The following INSRR variants were observed in gnomAD, a reference collection of about 807,000 sequenced individuals.
The protein encoded by INSRR is insulin receptor-related protein.
INSRR carries 114 observed loss-of-function variants against 130.0 expected under a neutral mutation model. The ratio of observed to expected loss-of-function variants is 0.88; its 90% CI spans 0.75 to 1.02. The LOEUF (loss-of-function observed/expected upper bound fraction) is 1.02, where lower values mean the gene tolerates loss of function less well. INSRR is among the 50% of genes least tolerant of loss of function. The pLI is 0.00. For synonymous variants in INSRR, 674 were observed against 705.2 expected, an observed-to-expected ratio of 0.96 and a Z score of 0.70; for missense variants, 1,657 against 1,735.2, an observed-to-expected ratio of 0.95 and a Z score of 0.80.
intron 7 of INSRR, among the ~76,000 whole-genome samples, chr1:156,847,111 C>T (rs1452224684): frequency 4.6e-5 from 7 of 152,232 alleles, no homozygotes; most frequent in African/African-American, 1.7e-4. Context: ...CCTAATTCCC[C>T]TAAGTCTAAT....
Position 156,854,520 on chromosome 1 carries a change from T to C in INSRR, c.86-217A>G, listed in dbSNP as rs1048193063. On this transcript the variant is annotated intron_variant, in intron 1 of 21. Transcript: ENST00000368195. The surrounding 1 kb of genome is among the most constrained non-coding windows in gnomAD (Gnocchi z 4.2). ...ATGAGCCACACAGGCAAAAATGAAC[T>C]CCTGATCCTCTCTCCCAAGCCCATC... Among the ~76,000 whole-genome samples, 16 of 152,118 alleles carry C rather than the reference T, an allele frequency of 1.1e-4. No homozygotes were observed. The highest frequency in any genetic ancestry group is 9.8e-4 in the Admixed American group (15 of 15,280).
intron 4 of INSRR, 24 bp downstream of exon 4, chr1:156,851,622 T>C (rs922872201): frequency 1.2e-6 from 2 of 1,613,702 alleles, no homozygotes; most frequent in Non-Finnish European, 1.7e-6. Flanking sequence ...GGAGGAGGGG[T>C]GTGGCCCCAA....
intron 1 of INSRR, 95 bp downstream of exon 1, chr1:156,858,442 G>A (rs1655487017): frequency 1.1e-6 from 1 of 882,484 alleles, no homozygotes; most frequent in South Asian, 1.3e-5. Flanking sequence ...CCAGTGCAGA[G>A]TAAGTGGAGG....
Position 156,854,167 on chromosome 1 carries a change from AG to A in INSRR, c.221del (p.Pro74LeufsTer28). On this transcript the variant is annotated frameshift_variant, in exon 2 of 22. Transcript: ENST00000368195. LOFTEE classifies it high-confidence loss of function. The surrounding 1 kb of genome is among the most constrained non-coding windows in gnomAD (Gnocchi z 4.2). ...GGTAGTCGGTGACCTGGGTGAGGCG[AG>A]GGAAGCTGAGGCCGCGGAAGTCCTC... ...TGEDFRGLSF[P>X]RLTQVTDYLL... 6.2e-7 allele frequency: 1 copy of A among 1,614,116 alleles called. No homozygotes were observed. Among genetic ancestry groups the A allele is most frequent in the Non-Finnish European group, 8.5e-7 (1 of 1,180,028 alleles).
At chr1:156,853,712 C>T (rs757244276) in intron 2 of INSRR, 40 bp downstream of exon 2, 1 of 1,557,506 alleles carries the variant, frequency 6.4e-7, no homozygotes. Context: ...TGACCCTGCT[C>T]TCTCCCTTCC....
rs1654717417 is a variant in INSRR, at chr1:156,840,116, AG to A, written c.*756del. The A allele has an allele frequency of 2.0e-4, 1 of 5,088 alleles. No homozygotes were observed. The highest frequency in any genetic ancestry group is 5.3e-3 in the South Asian group (1 of 190). The allele number at this position is 5,088 out of a possible 1,614,324, so 0.3% of individuals were successfully genotyped here. ...CTTCTCCAGTCTTCCCATGAGAGGC[AG>A]GGGTGGGGGCGGGGCTGGGTGAGGG... On this transcript the variant is annotated 3_prime_UTR_variant, in exon 22 of 22. Coordinates refer to ENST00000368195, the MANE Select transcript of INSRR (RefSeq NM_014215.3).
intron 10 of INSRR, 85 bp downstream of exon 10, chr1:156,845,533 AC>A: frequency 1.4e-6 from 1 of 728,018 alleles, no homozygotes. Flanking sequence ...GCAAGGCCCC[AC>A]CCACAAACCC....
chr1:156,846,640 G>C lies in INSRR; in HGVS notation c.1689C>G (p.Ala563=), dbSNP rs568446154. Residue 563 remains alanine (A), a synonymous_variant, in exon 8 of 22, where the codon GCC becomes GCG. Coordinates refer to ENST00000368195, the MANE Select transcript of INSRR (RefSeq NM_014215.3). ...SRTQEPGVTL[A]SLKPWTQYAV... ...CGTACTGTGTCCAAGGCTTGAGGGA[G>C]GCTAGGGTCACCCCTGGCTCCTGGG... The C allele has an allele frequency of 6.2e-7, 1 of 1,614,174 alleles. No individual in the cohort carries two copies. Among genetic ancestry groups the C allele is most frequent in the African/African-American group, 1.3e-5 (1 of 75,056 alleles).
At chr1:156,850,663 TC>T (rs1473453721) in intron 5 of INSRR, among the ~76,000 whole-genome samples, 3 of 145,066 alleles carry the variant, frequency 2.1e-5, no homozygotes, top group Non-Finnish European at 4.5e-5. Context: ...CAAACAATTC[TC>T]CTGCCTCAGC....
intron 15 of INSRR, 101 bp from the exon 16 acceptor site, chr1:156,843,580 C>T: frequency 1.6e-6 from 2 of 1,213,048 alleles, no homozygotes; most frequent in Non-Finnish European, 2.5e-6. Context: ...AGGGAAGTTA[C>T]TGACCACACC....
chr1:156,854,051 T>C lies in INSRR; in HGVS notation c.338A>G (p.Tyr113Cys). The change falls in exon 2 of 22, where the codon TAT becomes TGT. Residue 113 changes from tyrosine to cysteine, a missense_variant. Coordinates refer to ENST00000368195, the MANE Select transcript of INSRR (RefSeq NM_014215.3). The surrounding 1 kb of genome is among the most constrained non-coding windows in gnomAD (Gnocchi z 4.2). ...VIRGTRLFLG[Y>C]ALVIFEMPHL... ...TGGCATCTCAAAGATGACCAGTGCA[T>C]AGCCCAGGAAGAGGCGCGTCCCGCG... 6.2e-7 allele frequency: 1 copy of C among 1,614,100 alleles called. No homozygotes were observed.
In INSRR at chr1:156,851,730, T is replaced by G. The variant is rs1253543475; in HGVS notation, c.1000A>C (p.Thr334Pro). The G allele has an allele frequency of 6.2e-7, 1 of 1,614,020 alleles. No individual in the cohort carries two copies. The highest frequency in any genetic ancestry group is 8.5e-7 in the Non-Finnish European group (1 of 1,180,022). The change falls in exon 4 of 22, where the codon ACC becomes CCC. Residue 334 changes from threonine to proline, a missense_variant. By Grantham distance (38) the Thr-to-Pro change is conservative. Coordinates refer to ENST00000368195, the MANE Select transcript of INSRR (RefSeq NM_014215.3). ...TGTGCCGCCTGGATGGAGTCGATGG[T>G]CTTGGTGCCTACCTTGCACTCTTTA... Reference protein sequence around the residue: ...CPKECKVGTKTIDSIQAAQDL... With the variant: ...CPKECKVGTKPIDSIQAAQDL...
chr1:156,840,821 C>G lies in INSRR; in HGVS notation c.*52G>C. The G allele has an allele frequency of 7.2e-7, 1 of 1,389,398 alleles. No individual in the cohort carries two copies. Among genetic ancestry groups the G allele is most frequent in the East Asian group, 2.3e-5 (1 of 42,634 alleles). The allele number at this position is 1,389,398 out of a possible 1,614,324, so 86.1% of individuals were successfully genotyped here. On this transcript the variant is annotated 3_prime_UTR_variant, in exon 22 of 22. Coordinates refer to ENST00000368195, the MANE Select transcript of INSRR (RefSeq NM_014215.3). ...ATTCAGGCGTCTCAGCCACAGAGGT[C>G]GGGTCCCTTCCTGTCTCCCCATGGG...
chr1:156,844,996 G>C (rs762338844), intron 12 of INSRR, 80 bp downstream of exon 12: 2 of 1,528,152 alleles, frequency 1.3e-6, no homozygotes, highest in Non-Finnish European at 8.9e-7. Context: ...TGGGGTTAGC[G>C]AGAAGTCAAA....
rs200376974 is a variant in INSRR at position 156,844,586 on chromosome 1, C to T, written c.2613G>A (p.Ala871=). The change falls in exon 14 of 22, where the codon GCG becomes GCA. Residue 871 remains alanine, a synonymous_variant. Coordinates refer to ENST00000368195, the MANE Select transcript of INSRR (RefSeq NM_014215.3). ...TVLCVSRLRY[A]KFGGVHLALL... The stretch of plus-strand genomic sequence containing the variant: ...GGGCCAGGTGGACTCCCCCAAACTT[C>T]GCATATCGAAGACGGGACACACACA... 32 of 1,614,170 alleles carry T rather than the reference C, an allele frequency of 2.0e-5. No individual in the cohort carries two copies. In the East Asian group the frequency reaches 6.0e-4, roughly 30 times the overall value.
chr1:156,845,353 C>G lies in INSRR; in HGVS notation c.2216+19G>C, dbSNP rs970341373. ...CCCCCAAAGCCACGCCCCTCAGCAC[C>G]TGCCCTAGTCCTGCTCACCTTTGGG... is the stretch of plus-strand genomic sequence containing the variant. On this transcript the variant is annotated intron_variant, in intron 11 of 21. Transcript: ENST00000368195. 6.2e-7 allele frequency: 1 copy of G among 1,603,114 alleles called. No homozygotes were observed.
Position 156,854,190 on chromosome 1 carries a change from C to G in INSRR, c.199G>C (p.Asp67His), listed in dbSNP as rs1443151347. 9.3e-6 allele frequency: 15 copies of G among 1,614,114 alleles called. No homozygotes were observed. Among genetic ancestry groups the G allele is most frequent in the Non-Finnish European group, 1.3e-5 (15 of 1,180,030 alleles). The change falls in exon 2 of 22, where the codon GAC becomes CAC. Residue 67 changes from aspartate (D) to histidine (H), a missense_variant. Asp to His is a moderately conservative substitution (Grantham distance 81, BLOSUM62 -1). Transcript: ENST00000368195. The surrounding 1 kb of genome is among the most constrained non-coding windows in gnomAD (Gnocchi z 4.2). ...CGAGGGAAGCTGAGGCCGCGGAAGTCCTCCCCGGTGGCTGTGAACATGAGC... is the reference window on the plus strand; with the variant it reads ...CGAGGGAAGCTGAGGCCGCGGAAGTGCTCCCCGGTGGCTGTGAACATGAGC... ...ILLMFTATGE[D>H]FRGLSFPRLT...
At chr1:156,850,160 C>A (rs1481290039) in intron 5 of INSRR, among the ~76,000 whole-genome samples, 3 of 152,086 alleles carry the variant, frequency 2.0e-5, no homozygotes, top group Non-Finnish European at 2.9e-5. Flanking sequence ...CCTCGGCTTG[C>A]CAAAGTGCTA....
At chr1:156,842,918 C>T in intron 17 of INSRR, 86 bp downstream of exon 17, 2 of 1,061,304 alleles carry the variant, frequency 1.9e-6, no homozygotes, top group Admixed American at 2.0e-5. Context: ...TTAATGGTGC[C>T]CTAACCTCAT....
Sources: gnomAD v4.1 joint callset for allele counts (sites outside exome capture counted in the v4.1 genomes callset) on GRCh38, gnomAD v4.1.1 for gene constraint, Gnocchi (gnomAD v3.1) non-coding constraint, MANE v1.5 for transcripts, NCBI Gene and HGNC (gene_info 2026-07-23, HGNC 2026-07-21) for gene names.